The following CTNNA3 variants were observed in gnomAD, a reference collection of about 807,000 sequenced individuals.
The protein encoded by CTNNA3 is catenin alpha-3.
In CTNNA3, 76 loss-of-function variants were observed where a neutral mutation model predicts 95.7. The ratio of observed to expected loss-of-function variants is 0.79; its 90% CI spans 0.66 to 0.96. CTNNA3 has a LOEUF of 0.96. Among genes scored for constraint, CTNNA3 ranks in the 40% least tolerant of loss-of-function variants. The probability of loss-of-function intolerance (pLI) is 0.00; values close to 1 mark genes in which losing one functional copy is unlikely to be tolerated. For synonymous variants in CTNNA3, 431 were observed against 374.4 expected, an observed-to-expected ratio of 1.15 and a Z score of -1.74; for missense variants, 1,191 against 1,089.8, an observed-to-expected ratio of 1.09 and a Z score of -1.31.
chr10:67,660,960 A>T (rs943626840), intron 1 of CTNNA3, among the ~76,000 whole-genome samples: 13 of 151,878 alleles, frequency 8.6e-5, no homozygotes, highest in Non-Finnish European at 1.9e-4. Context: ...AATGCAAATT[A>T]AAATACATTG....
chr10:66,733,716 C>T (rs1284664843), intron 9 of CTNNA3, among the ~76,000 whole-genome samples: 1 of 151,582 alleles, frequency 6.6e-6, no homozygotes, highest in Non-Finnish European at 1.5e-5. Flanking sequence ...TGATTACATG[C>T]CTAAGATTTT....
At chr10:67,480,340 C>T (rs368388537) in intron 5 of CTNNA3, among the ~76,000 whole-genome samples, 14 of 152,084 alleles carry the variant, frequency 9.2e-5, no homozygotes, top group South Asian at 4.1e-4. Context: ...TGTAAAAATC[C>T]GCAACACAAT....
chr10:66,641,102 A>G (rs1845502610), intron 9 of CTNNA3, among the ~76,000 whole-genome samples: 1 of 152,176 alleles, frequency 6.6e-6, no homozygotes, highest in South Asian at 2.1e-4. Flanking sequence ...ATAACAGCAA[A>G]AAAATGAAAC....
Position 66,821,800 on chromosome 10 carries a change from C to T in CTNNA3, c.1048-46276G>A, listed in dbSNP as rs546137181. Among the ~76,000 whole-genome samples the T allele has an allele frequency of 1.2e-3, 188 of 152,244 alleles. 2 individuals are homozygous for T. The highest frequency in any genetic ancestry group is 9.3e-4 in the Non-Finnish European group (63 of 68,020). ...CATCGTATTTATTAAGTCTTTGCAA[C>T]GGTTTCCACACCATTTGCTCTAGTC... On this transcript the variant is annotated intron_variant, in intron 7 of 17. Coordinates refer to ENST00000433211, the MANE Select transcript of CTNNA3 (RefSeq NM_013266.4).
chr10:67,658,032 C>A (rs1385856247), intron 1 of CTNNA3, among the ~76,000 whole-genome samples: 1 of 152,086 alleles, frequency 6.6e-6, no homozygotes, highest in Non-Finnish European at 1.5e-5. Context: ...GTGAGACATC[C>A]TTTCGCTTCA....
chr10:66,085,493 T>C (rs2080948659), intron 14 of CTNNA3, among the ~76,000 whole-genome samples: 1 of 152,152 alleles, frequency 6.6e-6, no homozygotes, highest in African/African-American at 2.4e-5. Context: ...TTGAATATTT[T>C]CTTATATATA....
At chr10:66,947,892 G>A (rs866426090) in intron 7 of CTNNA3, among the ~76,000 whole-genome samples, 6 of 152,196 alleles carry the variant, frequency 3.9e-5, no homozygotes, top group Middle Eastern at 3.4e-3. Context: ...GTCATTGTGC[G>A]AACATCACAG....
chr10:66,537,112 C>A (rs117424831), intron 10 of CTNNA3, among the ~76,000 whole-genome samples: 3,747 of 151,746 alleles, frequency 0.025, 95 homozygotes, highest in East Asian at 0.058. Flanking sequence ...TTGTATATGG[C>A]AGAATTTTTT....
intron 5 of CTNNA3, among the ~76,000 whole-genome samples, chr10:67,338,873 T>C (rs1842084491): frequency 6.6e-6 from 1 of 152,200 alleles, no homozygotes; most frequent in Non-Finnish European, 1.5e-5. Context: ...TAAACATTTG[T>C]TTCCATGTAA....
chr10:66,772,339 T>C (rs4589171), intron 8 of CTNNA3, among the ~76,000 whole-genome samples: 129,251 of 151,258 alleles, frequency 0.85, 55,571 homozygotes, highest in East Asian at 1. Context: ...GCAGGAGAAT[T>C]GCCTGAACCT....
chr10:66,330,782 A>G lies in CTNNA3; in HGVS notation c.1732+48370T>C, dbSNP rs374917089. ...ACCATTCTAACTGGTGTGAGATGGT[A>G]TCTCATTGTGGTTTTCATTTGCATT... On this transcript the variant is annotated intron_variant, in intron 12 of 17. Transcript: ENST00000433211. 4.3e-4 allele frequency among the ~76,000 whole-genome samples: 65 copies of G among 152,168 alleles called. 1 individual carries two copies. The South Asian group carries it at 0.012, about 29-fold the overall frequency.
intron 5 of CTNNA3, among the ~76,000 whole-genome samples, chr10:67,426,626 G>A (rs1169226649): frequency 1.3e-5 from 2 of 151,930 alleles, no homozygotes; most frequent in African/African-American, 4.8e-5. Flanking sequence ...TGGACACAGA[G>A]CAGGGAATAT....
intron 12 of CTNNA3, among the ~76,000 whole-genome samples, chr10:66,369,516 T>C (rs1248775540): frequency 6.6e-6 from 1 of 152,150 alleles, no homozygotes; most frequent in Admixed American, 6.6e-5. Flanking sequence ...TTTTTGTTTT[T>C]CTATTATACT....
intron 5 of CTNNA3, among the ~76,000 whole-genome samples, chr10:67,248,193 G>A (rs1394179209): frequency 6.6e-6 from 1 of 151,992 alleles, no homozygotes; most frequent in Non-Finnish European, 1.5e-5. Flanking sequence ...GTGGTGGCAC[G>A]TGCCTGTAGT....
At chr10:66,262,930 T>A (rs1380438898) in intron 13 of CTNNA3, among the ~76,000 whole-genome samples, 1 of 152,004 alleles carries the variant, frequency 6.6e-6, no homozygotes, top group East Asian at 1.9e-4. Context: ...TGGAGGAAGG[T>A]TCATTAGCCT....
chr10:67,158,295 C>CAAGA (rs1861395136), intron 7 of CTNNA3, among the ~76,000 whole-genome samples: 1 of 152,052 alleles, frequency 6.6e-6, no homozygotes, highest in East Asian at 1.9e-4. Context: ...TACTATAGGC[C>CAAGA]TGGCACTTAG....
chr10:67,723,837 C>T (rs913217661), intron 1 of CTNNA3, among the ~76,000 whole-genome samples: 2 of 152,082 alleles, frequency 1.3e-5, no homozygotes, highest in Admixed American at 1.3e-4. Context: ...ACGTCTTTCT[C>T]GGTATGCTAT....
chr10:67,233,118 C>A (rs891833362), intron 5 of CTNNA3, among the ~76,000 whole-genome samples: 9 of 152,186 alleles, frequency 5.9e-5, no homozygotes, highest in African/African-American at 2.2e-4. Context: ...AGAAAGTCAA[C>A]AAAGATATCC....
intron 9 of CTNNA3, among the ~76,000 whole-genome samples, chr10:66,716,446 C>T (rs567538100): frequency 6.6e-6 from 1 of 152,268 alleles, no homozygotes; most frequent in South Asian, 2.1e-4. Context: ...GCAGTTCAAA[C>T]TGCAAATGTT....
Sources: gnomAD v4.1 joint callset for allele counts (sites outside exome capture counted in the v4.1 genomes callset) on GRCh38, gnomAD v4.1.1 for gene constraint, MANE v1.5 for transcripts, NCBI Gene and HGNC (gene_info 2026-07-23, HGNC 2026-07-21) for gene names.